The following GNG4 variants were observed in gnomAD, a reference collection of about 807,000 sequenced individuals.
The protein encoded by GNG4 is G protein subunit gamma 4, also known as guanine nucleotide-binding protein G(I)/G(S)/G(O) subunit gamma-4.
Under a neutral mutation model 5.8 loss-of-function variants are expected in GNG4, and 4 were observed. That is an observed-to-expected ratio of 0.69 (90% confidence interval 0.34 to 1.57). The LOEUF (loss-of-function observed/expected upper bound fraction) is 1.57. Among genes scored for constraint, GNG4 ranks in the 40% most tolerant of loss-of-function variants. GNG4 has a pLI of 0.06. For missense variants in GNG4, 96 were observed against 95.1 expected, an observed-to-expected ratio of 1.01 and a Z score of -0.04; for synonymous variants, 29 against 32.9, an observed-to-expected ratio of 0.88 and a Z score of 0.41.
intron 1 of GNG4, among the ~76,000 whole-genome samples, chr1:235,611,481 AGATTCTT>A (rs1325855111): frequency 6.6e-6 from 1 of 152,122 alleles, no homozygotes; most frequent in Admixed American, 6.6e-5. Context: ...CCCTGGACCG[AGATTCTT>A]GAATATGTAG....
intron 3 of GNG4, among the ~76,000 whole-genome samples, chr1:235,558,610 G>T (rs1274261839): frequency 6.6e-6 from 1 of 152,142 alleles, no homozygotes; most frequent in African/African-American, 2.4e-5. Flanking sequence ...CCTTCAACAC[G>T]TACCAAATAG....
chr1:235,606,611 GC>G (rs1688366234), intron 1 of GNG4, among the ~76,000 whole-genome samples: 1 of 152,162 alleles, frequency 6.6e-6, no homozygotes, highest in Non-Finnish European at 1.5e-5. Flanking sequence ...GGAATGGGGT[GC>G]AGAGTTCACA....
intron 1 of GNG4, among the ~76,000 whole-genome samples, chr1:235,617,816 C>T (rs371017954): frequency 7.4e-4 from 108 of 146,868 alleles, no homozygotes; most frequent in African/African-American, 2.6e-3. Flanking sequence ...ATCTGTGAGG[C>T]GGAGGTTGCA....
At chr1:235,589,613 T>C (rs547463874) in intron 2 of GNG4, among the ~76,000 whole-genome samples, 1 of 152,344 alleles carries the variant, frequency 6.6e-6, no homozygotes, top group East Asian at 1.9e-4. Context: ...GGTATAGTTG[T>C]GAACCTGACA....
At chr1:235,611,783 G>C (rs1350226037) in intron 1 of GNG4, among the ~76,000 whole-genome samples, 2 of 152,176 alleles carry the variant, frequency 1.3e-5, no homozygotes, top group Non-Finnish European at 2.9e-5. Flanking sequence ...TGAAGTATTG[G>C]CCAGGTGTGG....
chr1:235,597,917 C>T (rs72761740), intron 1 of GNG4, among the ~76,000 whole-genome samples: 3,685 of 152,152 alleles, frequency 0.024, 81 homozygotes, highest in Middle Eastern at 0.065. Flanking sequence ...CCACTGCACC[C>T]GGAGTTGGTT....
intron 2 of GNG4, among the ~76,000 whole-genome samples, chr1:235,587,607 G>GTA (rs1558486363): frequency 1.6e-3 from 1 of 630 alleles, no homozygotes. Flanking sequence ...GGGAGGGCAT[G>GTA]GGGTGGGGTG....
chr1:235,567,634 C>T (rs1404423858), intron 3 of GNG4, among the ~76,000 whole-genome samples: 1 of 152,152 alleles, frequency 6.6e-6, no homozygotes, highest in Non-Finnish European at 1.5e-5. Context: ...TCCCACATGT[C>T]TGAGTTTCCT....
chr1:235,650,265 G>GACCGAGCCGTGGGGGAATCACTGGA (rs1229791881), upstream of GNG4, among the ~76,000 whole-genome samples: 1 of 135,486 alleles, frequency 7.4e-6, no homozygotes, highest in Non-Finnish European at 1.6e-5. Flanking sequence ...ATCACTGGGG[G>GACCGAGCCGTGGGGGAATCACTGGA]GGGGTCTGGG....
At chr1:235,605,237 C>T (rs1688334272) in intron 1 of GNG4, among the ~76,000 whole-genome samples, 2 of 150,906 alleles carry the variant, frequency 1.3e-5, no homozygotes, top group Non-Finnish European at 2.9e-5. Flanking sequence ...GTTGCCCAGG[C>T]TGGAGTGCAG....
intron 1 of GNG4, among the ~76,000 whole-genome samples, chr1:235,626,930 G>C (rs1688824117): frequency 8.7e-6 from 1 of 114,838 alleles, no homozygotes; most frequent in African/African-American, 3.3e-5. Flanking sequence ...CTGCACTCCA[G>C]CCTGGGTGAC....
intron 1 of GNG4, among the ~76,000 whole-genome samples, chr1:235,614,511 C>G (rs747883340): frequency 1.3e-5 from 2 of 151,704 alleles, no homozygotes; most frequent in Non-Finnish European, 2.9e-5. Flanking sequence ...TCCTTTTTTT[C>G]TAAAATAAAC....
At chr1:235,553,904 G>C (rs191161769) in intron 3 of GNG4, among the ~76,000 whole-genome samples, 1 of 152,166 alleles carries the variant, frequency 6.6e-6, no homozygotes, top group Non-Finnish European at 1.5e-5. Flanking sequence ...TTTACTCTAA[G>C]ACGTCTATGA....
intron 1 of GNG4, among the ~76,000 whole-genome samples, chr1:235,606,334 A>T (rs6657860): frequency 0.25 from 37,638 of 152,036 alleles, 4,951 homozygotes; most frequent in Non-Finnish European, 0.27. Context: ...GTGAGCTGAG[A>T]TCGTGCCACT....
chr1:235,617,803 T>G (rs1427779909), intron 1 of GNG4, among the ~76,000 whole-genome samples: 1 of 150,820 alleles, frequency 6.6e-6, no homozygotes, highest in Non-Finnish European at 1.5e-5. Flanking sequence ...GAGAATTGCT[T>G]GAATCTGTGA....
At chr1:235,596,685 A>G (rs531786218) in intron 1 of GNG4, among the ~76,000 whole-genome samples, 1 of 152,318 alleles carries the variant, frequency 6.6e-6, no homozygotes, top group South Asian at 2.1e-4. Context: ...ACCAAAGGAC[A>G]TTTAGCATAG....
intron 1 of GNG4, among the ~76,000 whole-genome samples, chr1:235,633,278 G>A (rs1688970696): frequency 6.6e-6 from 1 of 152,100 alleles, no homozygotes; most frequent in Non-Finnish European, 1.5e-5. Flanking sequence ...GGCTGGGGAT[G>A]GAGACAAGCA....
At chr1:235,616,186 C>T (rs1571914841) in intron 1 of GNG4, 1 of 522,774 alleles carries the variant, frequency 1.9e-6, no homozygotes, top group East Asian at 5.3e-5. Context: ...CCAGCAGCCA[C>T]TTCTCTGCCA....
chr1:235,589,625 C>T lies in GNG4; in HGVS notation c.-11+5775G>A, dbSNP rs150857592. Among the ~76,000 whole-genome samples, 662 of 152,304 alleles carry T rather than the reference C, an allele frequency of 4.3e-3. 3 individuals carry two copies. Among genetic ancestry groups the T allele is most frequent in the African/African-American group, 0.015 (628 of 41,562 alleles). On this transcript the variant is annotated intron_variant, in intron 2 of 3. Coordinates refer to ENST00000391854, the MANE Select transcript of GNG4 (RefSeq NM_001098722.2). ...TTTGGTATAGTTGTGAACCTGACAA[C>T]GTGACCTTGTCCTCCTCAATGGGAC...
Sources: gnomAD v4.1 joint callset for allele counts (sites outside exome capture counted in the v4.1 genomes callset) on GRCh38, gnomAD v4.1.1 for gene constraint, MANE v1.5 for transcripts, NCBI Gene and HGNC (gene_info 2026-07-23, HGNC 2026-07-21) for gene names.